The following SLC2A14 variants were observed in gnomAD, a reference collection of about 807,000 sequenced individuals.
SLC2A14 encodes solute carrier family 2, facilitated glucose transporter member 14.
Under a neutral mutation model 43.0 loss-of-function variants are expected in SLC2A14, and 13 were observed. That is an observed-to-expected ratio of 0.30 (90% confidence interval 0.20 to 0.48). The LOEUF (loss-of-function observed/expected upper bound fraction) is 0.48, where lower values mean the gene tolerates loss of function less well. Among genes scored for constraint, SLC2A14 ranks in the 20% least tolerant of loss-of-function variants. The pLI is 0.99. For synonymous variants in SLC2A14, 190 were observed against 233.8 expected (o/e 0.81, Z 1.71); for missense variants, 428 against 620.4 (o/e 0.69, Z 3.29).
chr12:7,817,474 G>A (rs1424707648), intron 10 of SLC2A14, among the ~76,000 whole-genome samples: 2 of 151,170 alleles, frequency 1.3e-5, no homozygotes, highest in Non-Finnish European at 2.9e-5. Flanking sequence ...CTGGTTTTAA[G>A]ATAAGGTGAG....
chr12:7,818,202 G>C (rs1863642343), intron 9 of SLC2A14, among the ~76,000 whole-genome samples, 168 bp from the exon 10 acceptor site: 1 of 121,692 alleles, frequency 8.2e-6, no homozygotes, highest in Non-Finnish European at 2.0e-5. Context: ...TTTATTTTTT[G>C]AGACGGGGTC....
upstream of SLC2A14, among the ~76,000 whole-genome samples, chr12:7,875,025 AAATAC>A: frequency 9.0e-6 from 1 of 111,388 alleles, no homozygotes; most frequent in Non-Finnish European, 1.7e-5. Context: ...AATTATATAT[AAATAC>A]ATATATAAAT....
chr12:7,891,065 C>T, exon 1 of SLC2A14: 6 of 1,535,144 alleles, frequency 3.9e-6, no homozygotes, highest in Non-Finnish European at 5.2e-6. Context: ...AGAAATGCCG[C>T]ATTTCATCTC....
chr12:7,822,040 G>A (rs953756623), intron 7 of SLC2A14, among the ~76,000 whole-genome samples: 7 of 151,766 alleles, frequency 4.6e-5, no homozygotes, highest in African/African-American at 1.7e-4. Context: ...TAGCCAGGAT[G>A]TTCTTGATCT....
intron 1 of SLC2A14, among the ~76,000 whole-genome samples, chr12:7,889,494 A>T (rs1386742805): frequency 6.6e-6 from 1 of 150,728 alleles, no homozygotes; most frequent in East Asian, 1.9e-4. Context: ...CGGCCTCCCA[A>T]AGTGCTGGGA....
intron 2 of SLC2A14, among the ~76,000 whole-genome samples, chr12:7,838,122 C>T (rs149832376): frequency 0.014 from 2,074 of 150,612 alleles, 45 homozygotes; most frequent in African/African-American, 0.047. Context: ...GAATCTCGCT[C>T]TGTCACCCAT....
chr12:7,856,857 A>G (rs975331692), intron 2 of SLC2A14, among the ~76,000 whole-genome samples: 3 of 141,536 alleles, frequency 2.1e-5, no homozygotes, highest in African/African-American at 7.8e-5. Context: ...TTTTTTTTTG[A>G]GACAGAGTCT....
intron 2 of SLC2A14, among the ~76,000 whole-genome samples, chr12:7,837,638 C>CCAAA: frequency 1.9e-5 from 1 of 52,892 alleles, no homozygotes; most frequent in African/African-American, 8.8e-5. Context: ...AACTTCGTCT[C>CCAAA]AAAAAAAAAA....
chr12:7,816,616 C>G (rs1216977285), intron 10 of SLC2A14, among the ~76,000 whole-genome samples: 2 of 151,634 alleles, frequency 1.3e-5, no homozygotes, highest in African/African-American at 4.8e-5. Flanking sequence ...GTAATCCCAG[C>G]ACTTTGGGAG....
intron 1 of SLC2A14, among the ~76,000 whole-genome samples, chr12:7,889,151 G>T (rs879837345): frequency 6.6e-6 from 1 of 151,258 alleles, no homozygotes; most frequent in Non-Finnish European, 1.5e-5. Context: ...AAGGCAAAGT[G>T]AAAGCAACTT....
In SLC2A14 at chr12:7,866,271, G is replaced by T. The variant is rs751424856; in HGVS notation, c.18+3592C>A. On this transcript the variant is annotated intron_variant, in intron 2 of 10. Coordinates refer to ENST00000431042, the MANE Select transcript of SLC2A14 (RefSeq NM_001286234.2). ...AAGAAAGTGAAACAGATGTATTGCT[G>T]ATATGGAGAAAGTTTTAGTGGTCTA... Among the ~76,000 whole-genome samples, 13 of 150,864 alleles carry T rather than the reference G, an allele frequency of 8.6e-5. No individual in the cohort carries two copies. In the East Asian group the frequency reaches 2.1e-3, roughly 25 times the overall value.
chr12:7,853,841 A>G (rs1416451221), intron 2 of SLC2A14, among the ~76,000 whole-genome samples: 1 of 152,268 alleles, frequency 6.6e-6, no homozygotes, highest in Middle Eastern at 3.4e-3. Flanking sequence ...TAAAAGATGG[A>G]GAATGTGATA....
At chr12:7,890,503 A>T (rs1443469875) in intron 1 of SLC2A14, among the ~76,000 whole-genome samples, 1 of 140,364 alleles carries the variant, frequency 7.1e-6, no homozygotes, top group Non-Finnish European at 1.6e-5. Context: ...ATCACACAAC[A>T]TTATAATTGT....
intron 2 of SLC2A14, among the ~76,000 whole-genome samples, chr12:7,840,965 A>C (rs1865902686): frequency 6.8e-6 from 1 of 146,778 alleles, no homozygotes; most frequent in African/African-American, 2.7e-5. Context: ...GTCGGCGATG[A>C]TGCTAGGGTA....
At chr12:7,860,731 G>A (rs997265204) in intron 2 of SLC2A14, 1 of 152,850 alleles carries the variant, frequency 6.5e-6, no homozygotes, top group African/African-American at 2.4e-5. Flanking sequence ...TTGTTAAACA[G>A]ATTGTTTCCA....
Position 7,814,468 on chromosome 12 carries a change from A to C in SLC2A14, c.1342T>G (p.Phe448Val). 6.2e-7 allele frequency: 1 copy of C among 1,613,730 alleles called. No individual in the cohort carries two copies. The highest frequency in any genetic ancestry group is 1.3e-5 in the African/African-American group (1 of 74,950). Reference sequence around the variant, plus strand: ...CCACGGGTCTCAGGGACTTTGAAGAAGGTAAAGGCCAAGAAGGTAATGAGG... The same window carrying C: ...CCACGGGTCTCAGGGACTTTGAAGACGGTAAAGGCCAAGAAGGTAATGAGG... ...GFLITFLAFTFFKVPETRGRT... is the reference protein window; with the variant it reads ...GFLITFLAFTVFKVPETRGRT... The change falls in exon 11 of 11, where the codon TTC (phenylalanine) becomes GTC (valine). Residue 448 changes from phenylalanine to valine, a missense_variant. Phe to Val is a conservative substitution (Grantham distance 50). Coordinates refer to ENST00000431042, the MANE Select transcript of SLC2A14 (RefSeq NM_001286234.2).
At chr12:7,825,319 G>A (rs1305614620) in intron 7 of SLC2A14, among the ~76,000 whole-genome samples, 1 of 150,082 alleles carries the variant, frequency 6.7e-6, no homozygotes, top group Non-Finnish European at 1.5e-5. Flanking sequence ...AATTAGCTGT[G>A]TGTGGTGTCG....
chr12:7,838,402 A>G (rs1240536027), intron 2 of SLC2A14, among the ~76,000 whole-genome samples: 1 of 152,114 alleles, frequency 6.6e-6, no homozygotes, highest in East Asian at 1.9e-4. Flanking sequence ...TTTTTTTAAA[A>G]AATGGAATTT....
intron 2 of SLC2A14, among the ~76,000 whole-genome samples, chr12:7,855,689 G>A (rs1197538727): frequency 9.9e-6 from 1 of 101,178 alleles, no homozygotes; most frequent in Non-Finnish European, 2.5e-5. Flanking sequence ...CCAGGCTGGA[G>A]TGCAGTTGCA....
Sources: allele counts gnomAD v4.1 joint callset (sites outside exome capture counted in the v4.1 genomes callset), GRCh38; gene constraint gnomAD v4.1.1; transcripts MANE v1.5; gene names NCBI Gene and HGNC (gene_info 2026-07-23, HGNC 2026-07-21).